The following ART3 variants were observed in gnomAD, a reference collection of about 807,000 sequenced individuals.
ART3 encodes the protein ecto-ADP-ribosyltransferase 3.
ART3 carries 49 observed loss-of-function variants against 48.5 expected under a neutral mutation model. The ratio of observed to expected loss-of-function variants is 1.01; its 90% CI spans 0.80 to 1.28. The LOEUF (loss-of-function observed/expected upper bound fraction) is 1.28. Ranked by LOEUF, ART3 falls within the 50% of genes most tolerant of loss-of-function variation. The probability of loss-of-function intolerance (pLI) is 0.00; values close to 1 mark genes in which losing one functional copy is unlikely to be tolerated. For synonymous variants in ART3, 145 were observed against 157.2 expected (o/e 0.92, Z 0.58); for missense variants, 438 against 454.3 (o/e 0.96, Z 0.33).
intron 1 of ART3, among the ~76,000 whole-genome samples, chr4:76,030,307 C>G (rs1030435977): frequency 6.6e-6 from 1 of 152,166 alleles, no homozygotes; most frequent in Non-Finnish European, 1.5e-5. Flanking sequence ...CCACCCGCCT[C>G]GGCCTCCCAA....
chr4:76,095,561 C>G lies in ART3; in HGVS notation c.782-2083C>G, dbSNP rs1037002180. Among the ~76,000 whole-genome samples, 4 of 151,988 alleles carry G rather than the reference C, an allele frequency of 2.6e-5. No homozygotes were observed. The East Asian group carries it at 7.7e-4, about 29-fold the overall frequency. ...TACCCATTCTTTTCTATTCAGGAGG[C>G]CTTCAAAAATTTTGTGCATAAAAAT... On this transcript the variant is annotated intron_variant, in intron 3 of 11. Coordinates refer to ENST00000355810, the MANE Select transcript of ART3 (RefSeq NM_001130016.3).
intron 1 of ART3, among the ~76,000 whole-genome samples, chr4:76,011,744 C>T (rs115044382): frequency 0.011 from 1,736 of 152,268 alleles, 31 homozygotes; most frequent in African/African-American, 0.039. Flanking sequence ...AGGGTAGGGC[C>T]CCGCCCCTCT....
At chr4:76,109,892 A>G (rs1729160089) in intron 11 of ART3, among the ~76,000 whole-genome samples, 2 of 152,218 alleles carry the variant, frequency 1.3e-5, no homozygotes, top group Admixed American at 6.5e-5. Flanking sequence ...GGCTTTTACA[A>G]ATCTGACTGG....
intron 6 of ART3, 45 bp downstream of exon 6, chr4:76,100,365 G>C: frequency 1.3e-6 from 2 of 1,579,074 alleles, no homozygotes; most frequent in Non-Finnish European, 1.7e-6. Flanking sequence ...AGGCGTGGTG[G>C]CTTATGCCTG....
At chr4:76,104,425 G>A in intron 9 of ART3, 172 bp from the exon 10 acceptor site, 1 of 985,406 alleles carries the variant, frequency 1.0e-6, no homozygotes, top group Non-Finnish European at 1.2e-6. Context: ...TAATCATGGT[G>A]TGGATTTGTA....
At chr4:76,085,342 A>G (rs1723327267) in intron 3 of ART3, among the ~76,000 whole-genome samples, 1 of 152,184 alleles carries the variant, frequency 6.6e-6, no homozygotes, top group East Asian at 1.9e-4. Context: ...GGGAAGTGCT[A>G]ATGAGACATT....
At chr4:76,019,262 T>C (rs1732542044) in intron 1 of ART3, among the ~76,000 whole-genome samples, 1 of 151,732 alleles carries the variant, frequency 6.6e-6, no homozygotes, top group African/African-American at 2.4e-5. Context: ...ACTATTCTGG[T>C]GATGGCTTGT....
At chr4:76,107,093 C>T (rs925942780) in intron 10 of ART3, 1 of 152,086 alleles carries the variant, frequency 6.6e-6, no homozygotes, top group South Asian at 2.1e-4. Flanking sequence ...CAACTGCAGG[C>T]TCATGTAAGT....
intron 1 of ART3, among the ~76,000 whole-genome samples, chr4:76,015,984 A>G (rs570495224): frequency 5.3e-5 from 8 of 152,318 alleles, no homozygotes; most frequent in Admixed American, 3.3e-4. Flanking sequence ...TTTTGCATCA[A>G]TATTCATGAG....
In ART3 at chr4:76,020,181, C is replaced by T. The variant is rs534822122; in HGVS notation, c.-10+8861C>T. Among the ~76,000 whole-genome samples the T allele has an allele frequency of 1.2e-4, 18 of 151,352 alleles. 1 individual carries two copies. In the South Asian group the frequency reaches 3.5e-3, roughly 30 times the overall value. On this transcript the variant is annotated intron_variant, in intron 1 of 9. Coordinates refer to the ART3 transcript ENST00000341029. ...TCACTCTGTTGCCCAAGCTGGAGTG[C>T]AGTGGTGCAGTCATAGCTCACTGTA...
chr4:76,077,251 G>C (rs1352274195), intron 2 of ART3, among the ~76,000 whole-genome samples: 1 of 152,100 alleles, frequency 6.6e-6, no homozygotes, highest in Non-Finnish European at 1.5e-5. Flanking sequence ...GCCTATTCTG[G>C]ATATTTCGCC....
chr4:76,011,878 G>A (rs76635608), intron 1 of ART3, among the ~76,000 whole-genome samples: 2,622 of 152,318 alleles, frequency 0.017, 64 homozygotes, highest in Middle Eastern at 0.065. Flanking sequence ...CAGGCAGCGG[G>A]AAGGAGAAAA....
At chr4:76,090,472 T>C (rs1724628462) in intron 3 of ART3, among the ~76,000 whole-genome samples, 1 of 152,246 alleles carries the variant, frequency 6.6e-6, no homozygotes, top group African/African-American at 2.4e-5. Context: ...TCTAATCAGC[T>C]GTGAGTATAG....
At chr4:76,047,571 G>T (rs1313503227) in intron 1 of ART3, among the ~76,000 whole-genome samples, 1 of 151,884 alleles carries the variant, frequency 6.6e-6, no homozygotes, top group Non-Finnish European at 1.5e-5. Context: ...TAATTCATGG[G>T]CTTTTTTCTA....
chr4:76,054,177 T>A (rs182211727), intron 1 of ART3, among the ~76,000 whole-genome samples: 1 of 152,312 alleles, frequency 6.6e-6, no homozygotes, highest in East Asian at 1.9e-4. Context: ...CTGGTCGATA[T>A]TATTTCAGGG....
chr4:76,100,740 CTGCCAA>C (rs1420329442), intron 6 of ART3, 49 bp from the exon 7 acceptor site: 6 of 1,584,480 alleles, frequency 3.8e-6, no homozygotes, highest in African/African-American at 1.4e-5. Flanking sequence ...GCTGTAGTAA[CTGCCAA>C]TTCTTTTGTT....
intron 1 of ART3, among the ~76,000 whole-genome samples, chr4:76,069,039 T>C (rs1720030681): frequency 1.3e-5 from 2 of 152,196 alleles, no homozygotes; most frequent in Non-Finnish European, 2.9e-5. Flanking sequence ...ACAACATTGA[T>C]AGATTTCATA....
chr4:76,038,885 G>T (rs1734689581), intron 1 of ART3, among the ~76,000 whole-genome samples: 1 of 151,840 alleles, frequency 6.6e-6, no homozygotes, highest in South Asian at 2.1e-4. Context: ...TCCATGCCTG[G>T]CTAATTTTTA....
intron 10 of ART3, among the ~76,000 whole-genome samples, 180 bp downstream of exon 10, chr4:76,104,809 G>A (rs1394290956): frequency 6.6e-6 from 1 of 152,174 alleles, no homozygotes; most frequent in Non-Finnish European, 1.5e-5. Context: ...ATCTCAGGGT[G>A]CAAGCCACTG....
Sources: gnomAD v4.1 joint callset for allele counts (sites outside exome capture counted in the v4.1 genomes callset) on GRCh38, gnomAD v4.1.1 for gene constraint, MANE v1.5 for transcripts, NCBI Gene and HGNC (gene_info 2026-07-23, HGNC 2026-07-21) for gene names.